The following NOTCH1 variants were observed in gnomAD, a reference collection of about 807,000 sequenced individuals.
NOTCH1 encodes neurogenic locus notch homolog protein 1.
In NOTCH1, 37 loss-of-function variants were observed where a neutral mutation model predicts 254.8. That is an observed-to-expected ratio of 0.15 (90% CI 0.11 to 0.19). NOTCH1 has a LOEUF of 0.19. Ranked by LOEUF, NOTCH1 falls within the 10% of genes least tolerant of loss-of-function variation. NOTCH1 has a pLI of 1.00. For synonymous variants in NOTCH1, 1,731 were observed against 1,618.1 expected (o/e 1.07, Z -1.68); for missense variants, 2,972 against 3,708.6 (o/e 0.80, Z 5.16).
In NOTCH1 at chr9:136,505,574, G is replaced by T. The variant is rs1469319457; in HGVS notation, c.4322C>A (p.Pro1441His). ...GCACGCCTCCTCGATCAGCGGCGGG[G>T]GGATGTCGCGCCCGGCCCCACCCCC... ...SFGGGAGRDI[P>H]PPLIEEACEL... is the part of the protein sequence containing the mutation. Residue 1441 changes from proline to histidine, a missense_variant, in exon 25 of 34, where the codon CCC (proline) becomes CAC (histidine). Pro to His is a moderately conservative substitution (Grantham distance 77). Coordinates refer to ENST00000651671, the MANE Select transcript of NOTCH1 (RefSeq NM_017617.5). The T allele has an allele frequency of 1.9e-6, 3 of 1,610,468 alleles. No individual in the cohort carries two copies. The highest frequency in any genetic ancestry group is 2.5e-6 in the Non-Finnish European group (3 of 1,178,894).
rs775448292 is a variant in NOTCH1 at position 136,506,551 on chromosome 9, G to C, written c.3990C>G (p.Arg1330=). The C allele has an allele frequency of 6.2e-7, 1 of 1,607,728 alleles. No homozygotes were observed. The highest frequency in any genetic ancestry group is 8.5e-7 in the Non-Finnish European group (1 of 1,178,334). Residue 1330 remains arginine (R), a synonymous_variant, in exon 24 of 34, where the codon CGC becomes CGG. Transcript: ENST00000651671. This position sits in a 1 kb window ranked among gnomAD's most constrained non-coding sequence, Gnocchi z 4.5. ...CCGCAGGGCACTTGCAGATGAACCC[G>C]CGGGCGGTGTTGGAGGCCACGGCGC... ...GTCAVASNTA[R]GFICKCPAGF...
chr9:136,507,478 G>A (rs762236062), intron 21 of NOTCH1, 41 bp from the exon 22 acceptor site: 24 of 1,568,194 alleles, frequency 1.5e-5, no homozygotes, highest in Non-Finnish European at 2.1e-5. Context: ...GGCTCAGCCG[G>A]CGCCAGGATG....
At chr9:136,499,082 G>A (rs747456086) in intron 32 of NOTCH1, 30 bp downstream of exon 32, 17 of 1,612,630 alleles carry the variant, frequency 1.1e-5, no homozygotes, top group African/African-American at 9.3e-5. Context: ...CCCGCCCCAC[G>A]ACAGAGCAGC....
intron 30 of NOTCH1, among the ~76,000 whole-genome samples, chr9:136,501,175 T>TAGGA (rs1842989378): frequency 6.6e-6 from 1 of 152,238 alleles, no homozygotes; most frequent in African/African-American, 2.4e-5. Flanking sequence ...AGGCTCACGC[T>TAGGA]GTCATCCTAG....
chr9:136,520,423 G>T (rs1843348658), intron 4 of NOTCH1, among the ~76,000 whole-genome samples: 1 of 152,118 alleles, frequency 6.6e-6, no homozygotes, highest in Non-Finnish European at 1.5e-5. Flanking sequence ...ATGCAAATCA[G>T]CTTGGGGAGC....
chr9:136,523,039 T>C lies in NOTCH1; in HGVS notation c.553A>G (p.Lys185Glu). ...CRQDVNECGQ[K>E]PGLCRHGGTC... ...CCTCCGTGGCGGCAAAGCCCGGGCTTCTGGCCACACTCGTTGACATCCTGC... is the reference window on the plus strand; with the variant it reads ...CCTCCGTGGCGGCAAAGCCCGGGCTCCTGGCCACACTCGTTGACATCCTGC... Residue 185 changes from lysine to glutamate, a missense_variant, in exon 4 of 34, where the codon AAG becomes GAG. Coordinates refer to ENST00000651671, the MANE Select transcript of NOTCH1 (RefSeq NM_017617.5). 6.4e-7 allele frequency: 1 copy of C among 1,556,260 alleles called. No homozygotes were observed. The highest frequency in any genetic ancestry group is 8.7e-7 in the Non-Finnish European group (1 of 1,150,438).
At chr9:136,521,709 C>T (rs569793944) in intron 4 of NOTCH1, among the ~76,000 whole-genome samples, 1 of 152,360 alleles carries the variant, frequency 6.6e-6, no homozygotes, top group African/African-American at 2.4e-5. Context: ...CCCACGCTCG[C>T]CCAGTGACTT....
chr9:136,534,247 C>T (rs1843607156), intron 2 of NOTCH1, among the ~76,000 whole-genome samples: 1 of 152,182 alleles, frequency 6.6e-6, no homozygotes, highest in Admixed American at 6.5e-5. Flanking sequence ...TCCTGTGCTA[C>T]CTGTGGAAGA....
intron 31 of NOTCH1, 145 bp downstream of exon 31, chr9:136,500,407 G>T: frequency 9.9e-7 from 1 of 1,005,724 alleles, no homozygotes; most frequent in Non-Finnish European, 1.5e-6. Context: ...CGCTGACTGC[G>T]AAGGTCCCAG....
At chr9:136,526,481 A>T (rs1449013128) in intron 2 of NOTCH1, among the ~76,000 whole-genome samples, 1 of 152,186 alleles carries the variant, frequency 6.6e-6, no homozygotes, top group Non-Finnish European at 1.5e-5. Context: ...CGAGGCTCCA[A>T]GGAGCGGGAA....
intron 2 of NOTCH1, among the ~76,000 whole-genome samples, chr9:136,526,748 A>C (rs1843466498): frequency 1.3e-5 from 2 of 152,222 alleles, no homozygotes; most frequent in Admixed American, 6.5e-5. Context: ...GACGCATCCC[A>C]GTTAACGAGG....
intron 2 of NOTCH1, 161 bp downstream of exon 2, chr9:136,543,863 T>C (rs1843769833): frequency 1.3e-6 from 1 of 746,600 alleles, no homozygotes; most frequent in East Asian, 2.7e-5. Context: ...GGTGATTAAG[T>C]AATTGCCAGA....
intron 27 of NOTCH1, 129 bp from the exon 28 acceptor site, chr9:136,502,617 C>T: frequency 3.4e-6 from 2 of 590,380 alleles, no homozygotes; most frequent in South Asian, 2.1e-5. Context: ...TCCATCCCGC[C>T]CTCCAAAATA....
rs1843247802 is a variant in NOTCH1, at chr9:136,515,367, G to A, written c.1937C>T (p.Ala646Val). 6.2e-7 allele frequency: 1 copy of A among 1,613,028 alleles called. No individual in the cohort carries two copies. The highest frequency in any genetic ancestry group is 8.5e-7 in the Non-Finnish European group (1 of 1,179,982). The change falls in exon 12 of 34, where the codon GCC (alanine) becomes GTC (valine). Residue 646 changes from alanine (A) to valine (V), a missense_variant. By Grantham distance (64) the Ala-to-Val change is moderately conservative. Transcript: ENST00000651671. ...GGTGCCCGAGTCGCAGGGGCTGCTG[G>A]CACAGTCATCCAGGTTGATCTCGCA... ...PNCEINLDDC[A>V]SSPCDSGTCL...
At chr9:136,509,136 T>C (rs2133349224) in intron 18 of NOTCH1, 65 bp from the exon 19 acceptor site, 1 of 1,441,502 alleles carries the variant, frequency 6.9e-7, no homozygotes, top group Non-Finnish European at 9.5e-7. Flanking sequence ...TCCAGCAGAT[T>C]CTGCCTCGCC....
intron 2 of NOTCH1, among the ~76,000 whole-genome samples, chr9:136,528,974 C>A (rs1183147878): frequency 6.6e-6 from 1 of 152,114 alleles, no homozygotes; most frequent in Non-Finnish European, 1.5e-5. Context: ...GCAGGACCTG[C>A]CCCCAGCCTC....
Position 136,504,824 on chromosome 9 carries a change from C to T in NOTCH1, c.4867G>A (p.Glu1623Lys), listed in dbSNP as rs187112709. ...ATGGGGTGCTTGCGCAGCTCCTCCT[C>T]GCGGCCGTAGTAGGGGAAGATCATC... ...QQMIFPYYGR[E>K]EELRKHPIKR... The change falls in exon 26 of 34, where the codon GAG becomes AAG. Residue 1623 changes from glutamate (E) to lysine (K), a missense_variant. Physicochemically the swap from Glu to Lys is moderately conservative, Grantham distance 56 (BLOSUM62 1). This residue lies in a region of NOTCH1 where 1,343 missense variants were observed against 1,557.0 expected (regional missense o/e 0.86). Coordinates refer to ENST00000651671, the MANE Select transcript of NOTCH1 (RefSeq NM_017617.5). 9.5e-6 allele frequency: 15 copies of T among 1,572,176 alleles called. No homozygotes were observed. Among genetic ancestry groups the T allele is most frequent in the East Asian group, 2.3e-5 (1 of 43,000 alleles).
chr9:136,536,532 C>T (rs1340649060), intron 2 of NOTCH1, among the ~76,000 whole-genome samples: 4 of 152,198 alleles, frequency 2.6e-5, no homozygotes, highest in South Asian at 2.1e-4. Flanking sequence ...GATGCCTGCC[C>T]GCCCCATGGA....
At position 136,495,136 on chromosome 9, in the gene NOTCH1, C is replaced by A. The variant is rs1215168752; in HGVS notation, c.*935G>T. 6 of 398,972 alleles carry A rather than the reference C, an allele frequency of 1.5e-5. No homozygotes were observed. The highest frequency in any genetic ancestry group is 4.4e-6 in the Non-Finnish European group (1 of 226,088). 24.7% of individuals were successfully genotyped at this position (398,972 alleles called of 1,614,324 possible). On this transcript the variant is annotated 3_prime_UTR_variant, in exon 34 of 34. Coordinates refer to ENST00000651671, the MANE Select transcript of NOTCH1 (RefSeq NM_017617.5). Reference sequence around the variant, plus strand: ...CACTGTGCAGGCTGAGGTGCTGGGGCCGCCACCGGGGTCAGCCCAGGCAGT... The same window carrying A: ...CACTGTGCAGGCTGAGGTGCTGGGGACGCCACCGGGGTCAGCCCAGGCAGT...
Sources: allele counts gnomAD v4.1 joint callset (sites outside exome capture counted in the v4.1 genomes callset), GRCh38; gene constraint gnomAD v4.1.1; regional missense constraint gnomAD v4.1.1; non-coding constraint Gnocchi (gnomAD v3.1); transcripts MANE v1.5; gene names NCBI Gene and HGNC (gene_info 2026-07-23, HGNC 2026-07-21).